ANXA2: variants seen among roughly 807,000 people sequenced by gnomAD.
ANXA2 encodes annexin A2, also known as annexin II.
In ANXA2, 28 loss-of-function variants were observed where a neutral mutation model predicts 47.3. The ratio of observed to expected loss-of-function variants is 0.59; its 90% CI spans 0.44 to 0.81. ANXA2 has a LOEUF of 0.81. ANXA2 is among the 40% of genes least tolerant of loss of function. ANXA2 has a pLI of 0.00. For synonymous variants in ANXA2, 172 were observed against 155.5 expected, an observed-to-expected ratio of 1.11 and a Z score of -0.79; for missense variants, 384 against 414.3, an observed-to-expected ratio of 0.93 and a Z score of 0.64.
chr15:60,349,706 G>A (rs968934815), intron 11 of ANXA2, among the ~76,000 whole-genome samples: 1 of 146,470 alleles, frequency 6.8e-6, no homozygotes, highest in Non-Finnish European at 1.5e-5. Flanking sequence ...AGAAAGGAAA[G>A]ACAGAGAGAG....
chr15:60,389,569 C>T (rs1269919791), intron 1 of ANXA2, among the ~76,000 whole-genome samples: 1 of 152,198 alleles, frequency 6.6e-6, no homozygotes, highest in Non-Finnish European at 1.5e-5. Flanking sequence ...CTGTTAAAAG[C>T]CCCACAAATC....
chr15:60,365,159 T>G (rs1216816942), intron 3 of ANXA2, among the ~76,000 whole-genome samples: 1 of 151,512 alleles, frequency 6.6e-6, no homozygotes, highest in Admixed American at 6.6e-5. Context: ...ATAGGCAATT[T>G]TAATAATTAA....
intron 4 of ANXA2, among the ~76,000 whole-genome samples, chr15:60,362,004 G>A (rs967635879): frequency 1.3e-5 from 2 of 151,814 alleles, no homozygotes; most frequent in East Asian, 1.9e-4. Context: ...TGCAGGCTAC[G>A]AGAGGTGATT....
At chr15:60,363,941 C>T (rs1367068895) in intron 4 of ANXA2, among the ~76,000 whole-genome samples, 3 of 152,142 alleles carry the variant, frequency 2.0e-5, no homozygotes, top group Non-Finnish European at 4.4e-5. Flanking sequence ...GTGCCTGGCC[C>T]AAAGTAAGCA....
intron 1 of ANXA2, 59 bp from the exon 2 acceptor site, chr15:60,386,145 C>T (rs1296230834): frequency 2.4e-6 from 3 of 1,229,670 alleles, no homozygotes; most frequent in Non-Finnish European, 3.6e-6. Flanking sequence ...CTCTGAAGCA[C>T]AGCGATTCAT....
chr15:60,387,840 G>A (rs1362420685), intron 1 of ANXA2, among the ~76,000 whole-genome samples: 1 of 152,142 alleles, frequency 6.6e-6, no homozygotes, highest in African/African-American at 2.4e-5. Flanking sequence ...AGGGGAACAT[G>A]GGCATTCTTT....
intron 5 of ANXA2, 57 bp downstream of exon 5, chr15:60,360,884 T>C: frequency 9.0e-7 from 1 of 1,116,320 alleles, no homozygotes. Context: ...CTCAGAAAGC[T>C]GTAATTCACA....
chr15:60,365,180 T>C (rs536765534), intron 3 of ANXA2, among the ~76,000 whole-genome samples: 1 of 151,952 alleles, frequency 6.6e-6, no homozygotes, highest in African/African-American at 2.4e-5. Flanking sequence ...TTTTATAACT[T>C]TATTAAAAAG....
chr15:60,385,748 C>T (rs2062923792), intron 2 of ANXA2: 1 of 354,226 alleles, frequency 2.8e-6, no homozygotes, highest in Non-Finnish European at 5.2e-6. Flanking sequence ...CAGTTATTAC[C>T]AATGACATGC....
intron 4 of ANXA2, 125 bp from the exon 5 acceptor site, chr15:60,361,179 G>T: frequency 1.4e-6 from 1 of 690,846 alleles, no homozygotes. Context: ...CGGAGTCTTG[G>T]GTCAAACGCC....
intron 3 of ANXA2, among the ~76,000 whole-genome samples, chr15:60,375,411 G>A (rs569577647): frequency 4.9e-4 from 74 of 152,274 alleles, no homozygotes; most frequent in African/African-American, 1.6e-3. Context: ...GCTAATTACA[G>A]TCTATTTTCT....
intron 3 of ANXA2, among the ~76,000 whole-genome samples, chr15:60,381,776 C>T (rs1022964358): frequency 3.3e-5 from 5 of 151,890 alleles, no homozygotes; most frequent in African/African-American, 1.2e-4. Flanking sequence ...TAAGATTTTC[C>T]CAGCAAATGT....
intron 11 of ANXA2, among the ~76,000 whole-genome samples, chr15:60,350,419 C>T (rs920586957): frequency 2.6e-5 from 4 of 152,140 alleles, no homozygotes; most frequent in Non-Finnish European, 5.9e-5. Flanking sequence ...TTTCTATCAT[C>T]GCTCTGTGCC....
chr15:60,397,819 G>T, intron 1 of ANXA2, 124 bp downstream of exon 1: 1 of 1,350,904 alleles, frequency 7.4e-7, no homozygotes, highest in South Asian at 1.8e-5. Context: ...TCAGCCCCCT[G>T]CCCCCGACGG....
At position 60,393,033 on chromosome 15, in the gene ANXA2, A is replaced by T. The variant is rs550658850; in HGVS notation, c.-12+4910T>A. ...CCCACCTACTGCATCTTTATTTATC[A>T]GAACCTTTTTGAAAGCAGATATTCT... On this transcript the variant is annotated intron_variant, in intron 1 of 12. Transcript: ENST00000451270. 8.3e-5 allele frequency: 107 copies of T among 1,287,694 alleles called. 2 individuals carry two copies. The South Asian group carries it at 1.1e-3, about 13-fold the overall frequency. 79.8% of individuals were successfully genotyped at this position (1,287,694 alleles called of 1,614,324 possible).
chr15:60,351,769 T>C lies in ANXA2; in HGVS notation c.733A>G (p.Arg245Gly), dbSNP rs780280219. ...TCCAGGTCTCCTTTAACCTCTTTCC[T>C]GATGCTTTCCAACATGTCATAAGGG... ...YSPYDMLESIRKEVKGDLENA... is the reference protein window; with the variant it reads ...YSPYDMLESIGKEVKGDLENA... The change falls in exon 10 of 13, where the codon AGG becomes GGG. Residue 245 changes from arginine to glycine, a missense_variant. Physicochemically the swap from Arg to Gly is moderately radical, Grantham distance 125 (BLOSUM62 -2). Coordinates refer to ENST00000451270, the MANE Select transcript of ANXA2 (RefSeq NM_004039.3). 3 of 1,613,936 alleles carry C rather than the reference T, an allele frequency of 1.9e-6. No homozygotes were observed. The highest frequency in any genetic ancestry group is 4.5e-5 in the East Asian group (2 of 44,880).
At chr15:60,390,159 G>C (rs1383855445) in intron 1 of ANXA2, 1 of 490,332 alleles carries the variant, frequency 2.0e-6, no homozygotes, top group African/African-American at 2.1e-5. Context: ...TAACCATTTT[G>C]CAGAAAAAAA....
chr15:60,357,206 C>A lies in ANXA2; in HGVS notation c.388G>T (p.Glu130Ter). Residue 130 changes from glutamate (E) to a stop codon, truncating the protein, a stop_gained, in exon 6 of 13, where the codon GAG becomes TAG. Transcript: ENST00000451270. LOFTEE classifies it high-confidence loss of function. ...GLGTDEDSLI[E>*]IICSRTNQEL... ...TGGTTGGTTCTGGAGCAGATGATCT[C>A]AATGAGAGAGTCCTCGTCGGTTCCC... 1 of 1,614,180 alleles carries A rather than the reference C, an allele frequency of 6.2e-7. No homozygotes were observed. Among genetic ancestry groups the A allele is most frequent in the Non-Finnish European group, 8.5e-7 (1 of 1,180,032 alleles).
intron 3 of ANXA2, among the ~76,000 whole-genome samples, chr15:60,372,172 T>C (rs979425158): frequency 6.6e-6 from 1 of 152,072 alleles, no homozygotes; most frequent in Non-Finnish European, 1.5e-5. Flanking sequence ...ATAATAATAG[T>C]AACCTTTTAC....
Sources: allele counts gnomAD v4.1 joint callset (sites outside exome capture counted in the v4.1 genomes callset), GRCh38; gene constraint gnomAD v4.1.1; transcripts MANE v1.5; gene names NCBI Gene and HGNC (gene_info 2026-07-23, HGNC 2026-07-21).